Variants in PTPRK observed in about 807,000 individuals in gnomAD.
PTPRK encodes the protein protein tyrosine phosphatase receptor type K.
In PTPRK, 75 loss-of-function variants were observed where a neutral mutation model predicts 178.0. The ratio of observed to expected loss-of-function variants is 0.42; its 90% CI spans 0.35 to 0.51. The LOEUF is 0.51. PTPRK is among the 20% of genes least tolerant of loss of function. PTPRK has a pLI of 0.02. For synonymous variants in PTPRK, 637 were observed against 620.6 expected (o/e 1.03, Z -0.39); for missense variants, 1,441 against 1,797.8 (o/e 0.80, Z 3.59).
intron 2 of PTPRK, among the ~76,000 whole-genome samples, chr6:128,352,182 A>G (rs1378744603): frequency 1.4e-5 from 2 of 138,068 alleles, no homozygotes; most frequent in African/African-American, 5.4e-5. Flanking sequence ...TGAACCCAGG[A>G]GGTGAAGATT....
chr6:128,381,100 T>C (rs1178950774), intron 2 of PTPRK, among the ~76,000 whole-genome samples: 1 of 152,206 alleles, frequency 6.6e-6, no homozygotes, highest in Non-Finnish European at 1.5e-5. Context: ...TTAAATGTTG[T>C]TGCATAACTT....
intron 5 of PTPRK, among the ~76,000 whole-genome samples, chr6:128,227,961 C>T (rs1399686378): frequency 2.6e-5 from 4 of 151,586 alleles, no homozygotes; most frequent in Non-Finnish European, 4.4e-5. Context: ...CACACTGGGG[C>T]CTGTCAGGGG....
chr6:128,504,394 T>G (rs774899784), intron 1 of PTPRK, among the ~76,000 whole-genome samples: 4 of 152,186 alleles, frequency 2.6e-5, no homozygotes, highest in Non-Finnish European at 4.4e-5. Flanking sequence ...ATAGAGTACT[T>G]TCAGCCAATG....
intron 13 of PTPRK, among the ~76,000 whole-genome samples, chr6:128,036,515 C>T (rs756897008): frequency 1.3e-5 from 2 of 152,136 alleles, no homozygotes; most frequent in Non-Finnish European, 2.9e-5. Context: ...ACAAGTACTA[C>T]GATGTGAGTG....
At chr6:128,295,697 A>G (rs1264656128) in intron 3 of PTPRK, among the ~76,000 whole-genome samples, 1 of 152,132 alleles carries the variant, frequency 6.6e-6, no homozygotes, top group East Asian at 1.9e-4. Flanking sequence ...ATCCGGTTCA[A>G]TAAACTTAAG....
Position 128,089,811 on chromosome 6 carries a change from T to G in PTPRK, c.1344A>C (p.Lys448Asn). 1 of 1,614,030 alleles carries G rather than the reference T, an allele frequency of 6.2e-7. No homozygotes were observed. The change falls in exon 8 of 30, where the codon AAA becomes AAC. Residue 448 changes from lysine to asparagine, a missense_variant. Coordinates refer to ENST00000368226, the MANE Select transcript of PTPRK (RefSeq NM_002844.4). ...GATGGTTCACAACATGCTGAGGGGCTTTGGGGTCCATGTCCAAACAGTCTG... is the reference window on the plus strand; with the variant it reads ...GATGGTTCACAACATGCTGAGGGGCGTTGGGGTCCATGTCCAAACAGTCTG... ...SKADCLDMDP[K>N]APQHVVNHLP...
intron 6 of PTPRK, among the ~76,000 whole-genome samples, chr6:128,216,636 T>C (rs1809364342): frequency 6.6e-6 from 1 of 151,948 alleles, no homozygotes; most frequent in Non-Finnish European, 1.5e-5. Context: ...TAACAAGTAA[T>C]ACTGCTGGAA....
intron 2 of PTPRK, among the ~76,000 whole-genome samples, chr6:128,332,525 T>G (rs1243587740): frequency 6.6e-6 from 1 of 152,244 alleles, no homozygotes; most frequent in Non-Finnish European, 1.5e-5. Context: ...AGATGGGTCT[T>G]CAATACTTGT....
chr6:128,471,604 T>TAAAAAAAAA (rs34372021), intron 1 of PTPRK, among the ~76,000 whole-genome samples: 1 of 63,602 alleles, frequency 1.6e-5, no homozygotes, highest in African/African-American at 5.5e-5. Flanking sequence ...CAAAACAACC[T>TAAAAAAAAA]AAAAAAAAAA....
At chr6:128,396,796 G>A (rs1175242753) in intron 2 of PTPRK, among the ~76,000 whole-genome samples, 3 of 152,040 alleles carry the variant, frequency 2.0e-5, no homozygotes, top group Non-Finnish European at 4.4e-5. Context: ...TCAGGAGTTC[G>A]AGACCAGCCT....
At chr6:128,093,199 A>G (rs925987632) in intron 7 of PTPRK, among the ~76,000 whole-genome samples, 14 of 152,080 alleles carry the variant, frequency 9.2e-5, no homozygotes, top group African/African-American at 3.4e-4. Context: ...CATATATTGT[A>G]ATTTTATATA....
intron 7 of PTPRK, among the ~76,000 whole-genome samples, chr6:128,105,792 C>T (rs1789626390): frequency 6.6e-6 from 1 of 152,146 alleles, no homozygotes; most frequent in Admixed American, 6.5e-5. Context: ...ACATGGAGAC[C>T]TAAGGAGTTA....
At chr6:128,446,987 G>A (rs1300289712) in intron 1 of PTPRK, among the ~76,000 whole-genome samples, 1 of 152,102 alleles carries the variant, frequency 6.6e-6, no homozygotes, top group Non-Finnish European at 1.5e-5. Context: ...TCATAATAAA[G>A]TGTAAGCTTC....
chr6:128,479,590 C>A (rs1014355162), intron 1 of PTPRK, among the ~76,000 whole-genome samples: 7 of 152,056 alleles, frequency 4.6e-5, no homozygotes, highest in Non-Finnish European at 1.0e-4. Context: ...AGAGGTTTCA[C>A]ACATAGGTTT....
chr6:128,380,360 A>G (rs939629136), intron 2 of PTPRK, among the ~76,000 whole-genome samples: 1 of 152,102 alleles, frequency 6.6e-6, no homozygotes, highest in Non-Finnish European at 1.5e-5. Context: ...CCAGACTTGG[A>G]GATGAGCAAA....
chr6:128,493,291 G>A (rs921007082), intron 1 of PTPRK, among the ~76,000 whole-genome samples: 28 of 152,254 alleles, frequency 1.8e-4, no homozygotes, highest in African/African-American at 3.1e-4. Flanking sequence ...GGCTGGGCGC[G>A]GTGGCTCACG....
intron 21 of PTPRK, among the ~76,000 whole-genome samples, chr6:127,989,497 A>C (rs893499283): frequency 2.2e-4 from 33 of 152,102 alleles, no homozygotes; most frequent in Middle Eastern, 3.8e-3. Flanking sequence ...GTTATCTATA[A>C]GTTTTTAATA....
intron 3 of PTPRK, among the ~76,000 whole-genome samples, chr6:128,284,457 A>G (rs963223404): frequency 1.3e-5 from 2 of 152,172 alleles, no homozygotes; most frequent in Admixed American, 6.5e-5. Context: ...TTGTTCTGAG[A>G]GGACAGAAAT....
At chr6:128,253,006 T>C (rs915683600) in intron 3 of PTPRK, among the ~76,000 whole-genome samples, 1 of 152,128 alleles carries the variant, frequency 6.6e-6, no homozygotes, top group Non-Finnish European at 1.5e-5. Flanking sequence ...CTAAGTGTGG[T>C]GAAGCTGCCT....
Sources: gnomAD v4.1 joint callset for allele counts (sites outside exome capture counted in the v4.1 genomes callset) on GRCh38, gnomAD v4.1.1 for gene constraint, MANE v1.5 for transcripts, NCBI Gene and HGNC (gene_info 2026-07-23, HGNC 2026-07-21) for gene names.